LCORL: variants seen among roughly 807,000 people sequenced by gnomAD.
LCORL encodes ligand-dependent nuclear receptor corepressor-like protein.
A neutral mutation model predicts 141.8 loss-of-function variants in LCORL; 41 were observed. The ratio of observed to expected loss-of-function variants is 0.29; its 90% CI spans 0.23 to 0.38. LCORL has a LOEUF of 0.38. Among genes scored for constraint, LCORL ranks in the 10% least tolerant of loss-of-function variants. The pLI is 1.00. For missense variants in LCORL, 1,759 were observed against 2,035.0 expected (o/e 0.86, Z 2.61); for synonymous variants, 618 against 694.1 (o/e 0.89, Z 1.72).
At chr4:18,007,061 C>G (rs1445737717) in intron 1 of LCORL, among the ~76,000 whole-genome samples, 1 of 152,122 alleles carries the variant, frequency 6.6e-6, no homozygotes, top group Non-Finnish European at 1.5e-5. Context: ...CACTACTACC[C>G]TCAAAACTTG....
At chr4:17,973,867 T>C (rs930331851) in intron 1 of LCORL, among the ~76,000 whole-genome samples, 1 of 152,038 alleles carries the variant, frequency 6.6e-6, no homozygotes. Context: ...CCACAGTTTT[T>C]CATTTAATAA....
At chr4:17,926,012 G>C (rs915903718) in intron 4 of LCORL, among the ~76,000 whole-genome samples, 1 of 151,742 alleles carries the variant, frequency 6.6e-6, no homozygotes, top group African/African-American at 2.4e-5. Context: ...CGGCATTGAA[G>C]TGCTGTTAAC....
chr4:17,912,707 C>T, intron 4 of LCORL: 1 of 394,970 alleles, frequency 2.5e-6, no homozygotes, highest in South Asian at 2.0e-5. Context: ...GATGGAGTAG[C>T]TCAATGGGCT....
rs375104225 is a variant in LCORL at position 17,939,407 on chromosome 4, T to C, written c.430+22496A>G. ...TCATATTAGATAATATAAATAGGTT[T>C]TATGTTTTATATTTTAAATATACAT... On this transcript the variant is annotated intron_variant, in intron 4 of 7. Transcript: ENST00000635767. 3.3e-5 allele frequency among the ~76,000 whole-genome samples: 5 copies of C among 152,288 alleles called. No homozygotes were observed. The East Asian group carries it at 7.7e-4, about 23-fold the overall frequency.
chr4:18,006,035 C>T (rs1577713353), intron 1 of LCORL, among the ~76,000 whole-genome samples: 1 of 152,250 alleles, frequency 6.6e-6, no homozygotes, highest in East Asian at 1.9e-4. Flanking sequence ...AATTTCCAAA[C>T]TTTTATGCTC....
chr4:17,952,148 A>G (rs1253042511), intron 4 of LCORL, among the ~76,000 whole-genome samples: 2 of 152,210 alleles, frequency 1.3e-5, no homozygotes, highest in Admixed American at 1.3e-4. Context: ...AGATTGCTAT[A>G]TATTAAATAT....
chr4:17,901,181 GC>G (rs1730809793), intron 5 of LCORL, among the ~76,000 whole-genome samples: 1 of 151,834 alleles, frequency 6.6e-6, no homozygotes, highest in African/African-American at 2.4e-5. Flanking sequence ...AAAGAAATCT[GC>G]TTCCAAACAT....
chr4:17,845,956 C>A, intron 7 of LCORL, 55 bp from the exon 8 acceptor site: 1 of 1,408,610 alleles, frequency 7.1e-7, no homozygotes, highest in Non-Finnish European at 9.8e-7. Context: ...AAGTAATTAT[C>A]AACCTTGTAA....
chr4:17,877,696 C>T (rs1727066520), exon 7 of LCORL: 3 of 1,230,408 alleles, frequency 2.4e-6, no homozygotes, highest in Non-Finnish European at 3.0e-6. Context: ...GATCTACAGG[C>T]ATCTTTAAGA....
intron 6 of LCORL, chr4:17,880,353 AATT>A: frequency 1.5e-6 from 1 of 685,430 alleles, no homozygotes; most frequent in Non-Finnish European, 1.8e-6. Flanking sequence ...TCCAGTCTAG[AATT>A]TATTCTCAGG....
intron 5 of LCORL, among the ~76,000 whole-genome samples, chr4:17,904,474 T>A (rs1030702274): frequency 2.0e-5 from 3 of 152,130 alleles, no homozygotes; most frequent in African/African-American, 7.2e-5. Flanking sequence ...TTTAAGAACT[T>A]CTTCCCTACT....
chr4:17,859,321 T>G (rs1724725205), intron 7 of LCORL, among the ~76,000 whole-genome samples: 1 of 152,158 alleles, frequency 6.6e-6, no homozygotes, highest in Non-Finnish European at 1.5e-5. Context: ...ATTTTCAACT[T>G]ACAAGGGTTT....
chr4:17,881,970 T>A, intron 6 of LCORL: 1 of 980,836 alleles, frequency 1.0e-6, no homozygotes, highest in Non-Finnish European at 1.2e-6. Context: ...TATGTATATT[T>A]TCTTGGGGTG....
intron 5 of LCORL, among the ~76,000 whole-genome samples, chr4:17,893,078 C>G (rs891037825): frequency 2.0e-5 from 3 of 152,092 alleles, no homozygotes; most frequent in East Asian, 1.9e-4. Flanking sequence ...TCTAACTATA[C>G]AGTTTAATGA....
intron 7 of LCORL, among the ~76,000 whole-genome samples, chr4:17,864,738 T>C (rs933322798): frequency 6.6e-6 from 1 of 152,160 alleles, no homozygotes; most frequent in Non-Finnish European, 1.5e-5. Context: ...TTCTGTGTTG[T>C]TTAATAAAAG....
rs900389884 is a variant in LCORL, at chr4:17,909,909, A to T, written c.431-564T>A. 3.3e-5 allele frequency among the ~76,000 whole-genome samples: 5 copies of T among 152,274 alleles called. No individual in the cohort carries two copies. The South Asian group carries it at 8.3e-4, about 25-fold the overall frequency. The stretch of plus-strand genomic sequence containing the variant: ...TATAAATAAAAAATGAAAGAATAGT[A>T]CAATGACATAGCTTCCACTAATATT... On this transcript the variant is annotated intron_variant, in intron 4 of 7. Transcript: ENST00000635767.
At chr4:17,883,049 C>A in intron 6 of LCORL, 1 of 977,500 alleles carries the variant, frequency 1.0e-6, no homozygotes, top group Non-Finnish European at 1.2e-6. Context: ...AAAGTATATA[C>A]CTTATAAACC....
At chr4:17,863,297 C>A (rs1725227897) in intron 7 of LCORL, among the ~76,000 whole-genome samples, 1 of 152,150 alleles carries the variant, frequency 6.6e-6, no homozygotes, top group Non-Finnish European at 1.5e-5. Flanking sequence ...GCCTGGGCAA[C>A]AGAGTGAGAC....
chr4:17,948,208 C>T (rs991292624), intron 4 of LCORL, among the ~76,000 whole-genome samples: 1 of 151,840 alleles, frequency 6.6e-6, no homozygotes, highest in Non-Finnish European at 1.5e-5. Flanking sequence ...ATTGAGGGGA[C>T]CTGGTAGATT....
Sources: allele counts gnomAD v4.1 joint callset (sites outside exome capture counted in the v4.1 genomes callset), GRCh38; gene constraint gnomAD v4.1.1; transcripts MANE v1.5; gene names NCBI Gene and HGNC (gene_info 2026-07-23, HGNC 2026-07-21).